Variants in NCS1 observed in about 807,000 individuals in gnomAD.
The protein encoded by NCS1 is frequenin homolog.
NCS1 carries 6 observed loss-of-function variants against 28.4 expected under a neutral mutation model. The ratio of observed to expected loss-of-function variants is 0.21; its 90% CI spans 0.12 to 0.42. The LOEUF (loss-of-function observed/expected upper bound fraction) is 0.42, where lower values mean the gene tolerates loss of function less well. Among genes scored for constraint, NCS1 ranks in the 10% least tolerant of loss-of-function variants. The pLI is 1.00. For missense variants in NCS1, 131 were observed against 241.4 expected, an observed-to-expected ratio of 0.54 and a Z score of 3.03; for synonymous variants, 86 against 99.3, an observed-to-expected ratio of 0.87 and a Z score of 0.79.
intron 6 of NCS1, among the ~76,000 whole-genome samples, chr9:130,224,292 TA>T (rs782488225): frequency 5.1e-3 from 315 of 61,742 alleles, no homozygotes; most frequent in Middle Eastern, 0.025. Context: ...CTTTCTCTAC[TA>T]AAAAAAAAAA....
At chr9:130,223,718 G>T (rs942041511) in intron 6 of NCS1, among the ~76,000 whole-genome samples, 8 of 152,056 alleles carry the variant, frequency 5.3e-5, no homozygotes, top group Admixed American at 1.3e-4. Flanking sequence ...GTTGGGGACC[G>T]TCGCCTAGGT....
At chr9:130,207,947 C>G (rs1554908308) in intron 2 of NCS1, among the ~76,000 whole-genome samples, 1 of 152,202 alleles carries the variant, frequency 6.6e-6, no homozygotes, top group Non-Finnish European at 1.5e-5. Flanking sequence ...GCTTCCCCAT[C>G]CCTTGTTCTT....
chr9:130,221,407 T>TAG (rs1224970441), intron 4 of NCS1, among the ~76,000 whole-genome samples: 10 of 42,720 alleles, frequency 2.3e-4, no homozygotes, highest in African/African-American at 8.0e-4. Flanking sequence ...TATATATATA[T>TAG]ATATATAGAG....
In NCS1 at chr9:130,226,177, G is replaced by A. The variant is rs1833411627; in HGVS notation, c.475-212G>A. On this transcript the variant is annotated intron_variant, in intron 6 of 7. Transcript: ENST00000372398. The surrounding 1 kb of genome is among the most constrained non-coding windows in gnomAD (Gnocchi z 4.8). The stretch of plus-strand genomic sequence containing the variant: ...TAATTACCCTCCATCCCCAGGTGAA[G>A]AAACATGCCCAGAGAGGTGGGCCAC... Among the ~76,000 whole-genome samples, 1 of 152,228 alleles carries A rather than the reference G, an allele frequency of 6.6e-6. No homozygotes were observed. Among genetic ancestry groups the A allele is most frequent in the Non-Finnish European group, 1.5e-5 (1 of 68,038 alleles).
At position 130,210,124 on chromosome 9, in the gene NCS1, G is replaced by T. The variant is rs921103585; in HGVS notation, c.90-7708G>T. ...GGTATTAGGAAGGACTTCCCGGCCA[G>T]GCGCGATGGCTCACACCTGTAATCC... On this transcript the variant is annotated intron_variant, in intron 2 of 7. Transcript: ENST00000372398. Among the ~76,000 whole-genome samples the T allele has an allele frequency of 4.6e-5, 7 of 152,174 alleles. No homozygotes were observed. In the East Asian group the frequency reaches 1.3e-3, roughly 29 times the overall value.
intron 1 of NCS1, among the ~76,000 whole-genome samples, chr9:130,183,352 G>A (rs1187303362): frequency 1.3e-5 from 2 of 152,328 alleles, no homozygotes; most frequent in African/African-American, 4.8e-5. Flanking sequence ...GCAGTTGCTG[G>A]CTTTGGCACT....
intron 1 of NCS1, among the ~76,000 whole-genome samples, chr9:130,199,468 G>C (rs1832915024): frequency 6.6e-6 from 1 of 152,328 alleles, no homozygotes; most frequent in Admixed American, 6.5e-5. Flanking sequence ...CTTGTGGGAG[G>C]AGAGTGCTGA....
Position 130,192,442 on chromosome 9 carries a change from C to T in NCS1, c.65-8516C>T, listed in dbSNP as rs893560076. On this transcript the variant is annotated intron_variant, in intron 1 of 7. Transcript: ENST00000372398. The surrounding 1 kb of genome is among the most constrained non-coding windows in gnomAD (Gnocchi z 4.8). Reference sequence around the variant, plus strand: ...TCTCGGGGGCTGCTCTTCCTGGACACGGGGCCTGTCGTTGTGGGAAATGAG... The same window carrying T: ...TCTCGGGGGCTGCTCTTCCTGGACATGGGGCCTGTCGTTGTGGGAAATGAG... Among the ~76,000 whole-genome samples the T allele has an allele frequency of 3.3e-5, 5 of 152,058 alleles. No individual in the cohort carries two copies. The highest frequency in any genetic ancestry group is 4.8e-5 in the African/African-American group (2 of 41,408).
rs80214970 is a variant in NCS1 at position 130,201,832 on chromosome 9, T to C, written c.89+850T>C. On this transcript the variant is annotated intron_variant, in intron 2 of 7. Coordinates refer to ENST00000372398, the MANE Select transcript of NCS1 (RefSeq NM_014286.4). Reference sequence around the variant, plus strand: ...GGAGGTGCCCCATCCTGGGATTGAGTTTCCGCCCTCACTTTCCACTTCTGC... The same window carrying C: ...GGAGGTGCCCCATCCTGGGATTGAGCTTCCGCCCTCACTTTCCACTTCTGC... Among the ~76,000 whole-genome samples the C allele has an allele frequency of 2.2e-3, 332 of 152,114 alleles. 1 individual carries two copies. The highest frequency in any genetic ancestry group is 7.8e-3 in the African/African-American group (322 of 41,516).
At chr9:130,200,588 C>G (rs1832928601) in intron 1 of NCS1, 1 of 1,551,772 alleles carries the variant, frequency 6.4e-7, no homozygotes, top group Non-Finnish European at 8.7e-7. Context: ...CATCCCGTCC[C>G]CAGGGATTGA....
rs1427543038 is a variant in NCS1 at position 130,232,669 on chromosome 9, C to A, written c.*18-321C>A. ...GGCATGGTGGCGGGCGCCTGTAATCCCAGCTACTTGGGAGGCTGAGGCAGG... is the reference window on the plus strand; with the variant it reads ...GGCATGGTGGCGGGCGCCTGTAATCACAGCTACTTGGGAGGCTGAGGCAGG... On this transcript the variant is annotated intron_variant, in intron 7 of 7. Transcript: ENST00000372398. This position sits in a 1 kb window ranked among gnomAD's most constrained non-coding sequence, Gnocchi z 4.4. Among the ~76,000 whole-genome samples the A allele has an allele frequency of 6.6e-6, 1 of 152,048 alleles. No homozygotes were observed. The highest frequency in any genetic ancestry group is 1.5e-5 in the Non-Finnish European group (1 of 68,018).
At chr9:130,208,004 A>G (rs998879356) in intron 2 of NCS1, among the ~76,000 whole-genome samples, 3 of 152,070 alleles carry the variant, frequency 2.0e-5, no homozygotes. Context: ...GTCGTGGAAG[A>G]TCAGGAACCA....
At chr9:130,198,784 C>A (rs927995842) in intron 1 of NCS1, among the ~76,000 whole-genome samples, 15 of 152,156 alleles carry the variant, frequency 9.9e-5, no homozygotes, top group African/African-American at 3.6e-4. Context: ...TGAACCCAGG[C>A]GGTCTGGTCT....
chr9:130,204,553 A>T (rs1269413996), intron 2 of NCS1, among the ~76,000 whole-genome samples: 1 of 152,182 alleles, frequency 6.6e-6, no homozygotes, highest in Admixed American at 6.5e-5. Flanking sequence ...CCTCCCGAGT[A>T]GCTGAGACGG....
At chr9:130,200,667 G>T in intron 1 of NCS1, 29 of 1,551,574 alleles carry the variant, frequency 1.9e-5, no homozygotes, top group Non-Finnish European at 2.4e-5. Flanking sequence ...AAACCCTTGA[G>T]TGCCACAGGG....
chr9:130,198,804 A>G (rs1177037397), intron 1 of NCS1, among the ~76,000 whole-genome samples: 1 of 152,072 alleles, frequency 6.6e-6, no homozygotes, highest in Non-Finnish European at 1.5e-5. Flanking sequence ...TGGCTTTAGC[A>G]CCTGTGGCCC....
intron 2 of NCS1, among the ~76,000 whole-genome samples, chr9:130,212,540 G>A (rs1025821872): frequency 1.1e-4 from 16 of 150,344 alleles, no homozygotes; most frequent in Admixed American, 5.3e-4. Context: ...ACCGAGGGGC[G>A]TTGTGGGGAA....
rs1554904179 is a variant in NCS1 at position 130,172,652 on chromosome 9, C to T, written c.-12C>T. The T allele has an allele frequency of 2.7e-6, 4 of 1,455,632 alleles. No individual in the cohort carries two copies. The highest frequency in any genetic ancestry group is 4.3e-5 in the Admixed American group (2 of 46,572). 90.2% of individuals were successfully genotyped at this position (1,455,632 alleles called of 1,614,324 possible). A position where few individuals can be genotyped will look rare whatever the true frequency, so the allele number is the denominator to read the frequency against. On this transcript the variant is annotated 5_prime_UTR_variant, in exon 1 of 8. Transcript: ENST00000372398. ...GTCCGGCCCGGGGGGGCGGGGGCCG[C>T]GGCCGCCGAGGATGGGGAAATCCAA...
chr9:130,227,934 T>C (rs1264348918), intron 7 of NCS1, among the ~76,000 whole-genome samples: 2 of 152,168 alleles, frequency 1.3e-5, no homozygotes, highest in Non-Finnish European at 2.9e-5. Context: ...TTGGGATACT[T>C]GTCAGCCATT....
Sources: allele counts gnomAD v4.1 joint callset (sites outside exome capture counted in the v4.1 genomes callset), GRCh38; gene constraint gnomAD v4.1.1; non-coding constraint Gnocchi (gnomAD v3.1); transcripts MANE v1.5; gene names NCBI Gene and HGNC (gene_info 2026-07-23, HGNC 2026-07-21).